The following RHPN2 variants were observed in gnomAD, a reference collection of about 807,000 sequenced individuals.
RHPN2 encodes rhophilin-2.
RHPN2 carries 40 observed loss-of-function variants against 79.0 expected under a neutral mutation model. The ratio of observed to expected loss-of-function variants is 0.51; its 90% CI spans 0.39 to 0.66. The LOEUF (loss-of-function observed/expected upper bound fraction) is 0.66. RHPN2 is among the 30% of genes least tolerant of loss of function. The pLI is 0.00. For missense variants in RHPN2, 686 were observed against 883.5 expected, an observed-to-expected ratio of 0.78 and a Z score of 2.83; for synonymous variants, 285 against 363.5, an observed-to-expected ratio of 0.78 and a Z score of 2.46.
intron 14 of RHPN2, among the ~76,000 whole-genome samples, chr19:32,986,097 C>T (rs982774498): frequency 6.6e-6 from 1 of 152,226 alleles, no homozygotes; most frequent in Non-Finnish European, 1.5e-5. Context: ...CTGAGGCTCA[C>T]AGCTATTCCC....
At chr19:33,031,569 G>C (rs1331075195) in intron 2 of RHPN2, among the ~76,000 whole-genome samples, 1 of 151,684 alleles carries the variant, frequency 6.6e-6, no homozygotes, top group Admixed American at 6.6e-5. Context: ...TGTATAGATG[G>C]TGTCTTGCTA....
At position 32,982,555 on chromosome 19, in the gene RHPN2, T is replaced by G. The variant is rs1971583118; in HGVS notation, c.1801-2299A>C. Reference sequence around the variant, plus strand: ...AAACTGACCGCTAACTCCACCATGTTTTACGGAGCACACACAATGTCATTT... The same window carrying G: ...AAACTGACCGCTAACTCCACCATGTGTTACGGAGCACACACAATGTCATTT... On this transcript the variant is annotated intron_variant, in intron 14 of 14. Coordinates refer to ENST00000254260, the MANE Select transcript of RHPN2 (RefSeq NM_033103.5). Among the ~76,000 whole-genome samples the G allele has an allele frequency of 2.0e-5, 3 of 152,226 alleles. No individual in the cohort carries two copies. The South Asian group carries it at 6.2e-4, about 32-fold the overall frequency.
chr19:32,981,317 T>C (rs1473804114), intron 14 of RHPN2, among the ~76,000 whole-genome samples: 3 of 149,580 alleles, frequency 2.0e-5, no homozygotes, highest in Non-Finnish European at 3.0e-5. Flanking sequence ...AGGGGAAGAT[T>C]GCTTGAGCCC....
At chr19:33,018,052 G>A (rs758046773) in intron 4 of RHPN2, among the ~76,000 whole-genome samples, 1 of 152,096 alleles carries the variant, frequency 6.6e-6, no homozygotes, top group African/African-American at 2.4e-5. Context: ...TACTCAGGAG[G>A]CTGAGGCAGA....
intron 14 of RHPN2, among the ~76,000 whole-genome samples, chr19:32,984,965 G>C (rs971653777): frequency 2.0e-5 from 3 of 151,652 alleles, no homozygotes; most frequent in Non-Finnish European, 4.4e-5. Flanking sequence ...AATTAGCTGG[G>C]TATAGTGGTG....
Position 33,064,777 on chromosome 19 carries a change from C to T in RHPN2, c.69+7G>A. The stretch of plus-strand genomic sequence containing the variant: ...AGGTCCCCGCCCGCCCGCCCGAAGC[C>T]GCCCACCTTCCGAAAGTAGCCGTCG... On this transcript the variant is annotated splice_region_variant and intron_variant, in intron 1 of 14. Transcript: ENST00000254260. The T allele has an allele frequency of 2.0e-6, 3 of 1,510,096 alleles. No homozygotes were observed. Among genetic ancestry groups the T allele is most frequent in the Non-Finnish European group, 1.8e-6 (2 of 1,132,330 alleles). 93.5% of individuals were successfully genotyped at this position (1,510,096 alleles called of 1,614,324 possible). A position where few individuals can be genotyped will look rare whatever the true frequency, so the allele number is the denominator to read the frequency against.
intron 14 of RHPN2, 139 bp downstream of exon 14, chr19:32,990,375 T>G (rs1285520756): frequency 9.9e-6 from 9 of 912,702 alleles, no homozygotes; most frequent in African/African-American, 8.2e-5. Context: ...TTACAGTGAT[T>G]ACAAGCCTGG....
chr19:33,047,844 T>C (rs979640162), intron 1 of RHPN2, among the ~76,000 whole-genome samples: 1 of 152,082 alleles, frequency 6.6e-6, no homozygotes, highest in Admixed American at 6.6e-5. Context: ...GCCAGGAGTT[T>C]GAGGCTGCGG....
intron 6 of RHPN2, 54 bp from the exon 7 acceptor site, chr19:33,008,234 A>G (rs1971809221): frequency 6.5e-7 from 1 of 1,546,500 alleles, no homozygotes. Context: ...AGTTAATGCT[A>G]CAAGTGGAAA....
chr19:33,016,442 A>G (rs2145241951), intron 4 of RHPN2, among the ~76,000 whole-genome samples: 1 of 152,266 alleles, frequency 6.6e-6, no homozygotes, highest in Admixed American at 6.5e-5. Context: ...ACACTTTGGG[A>G]AGCCAAGGAG....
At chr19:33,028,700 C>A (rs551263510) in intron 2 of RHPN2, among the ~76,000 whole-genome samples, 1 of 152,188 alleles carries the variant, frequency 6.6e-6, no homozygotes, top group East Asian at 1.9e-4. Flanking sequence ...TTCAATGCAA[C>A]CTCAATCAAA....
chr19:33,053,027 AGTG>A (rs1272161401), intron 1 of RHPN2, among the ~76,000 whole-genome samples: 1 of 151,386 alleles, frequency 6.6e-6, no homozygotes, highest in Non-Finnish European at 1.5e-5. Flanking sequence ...GCTGGAGTGC[AGTG>A]GTGTGATCTC....
At position 33,062,467 on chromosome 19, in the gene RHPN2, GA is replaced by G. The variant is rs552189468; in HGVS notation, c.69+2316del. 4.1e-3 allele frequency among the ~76,000 whole-genome samples: 536 copies of G among 130,178 alleles called. 3 individuals are homozygous for G. The highest frequency in any genetic ancestry group is 0.023 in the South Asian group (91 of 3,972). The allele number at this position is 130,178 out of a possible 152,430, so 85.4% of individuals were successfully genotyped here. ...ACAGAGCGAGACTCCATCTCAGGGG[GA>G]AAAAAAAAAAAACACCTGTAGCCGG... On this transcript the variant is annotated intron_variant, in intron 1 of 14. Transcript: ENST00000254260.
intron 1 of RHPN2, among the ~76,000 whole-genome samples, chr19:33,057,176 C>G (rs1290656858): frequency 1.3e-5 from 2 of 148,262 alleles, no homozygotes; most frequent in African/African-American, 5.0e-5. Flanking sequence ...GAGACCGTCT[C>G]TACAAAAAAT....
In RHPN2 at chr19:33,015,029, A is replaced by G. The variant is rs1391509005; in HGVS notation, c.391-2305T>C. 2.6e-5 allele frequency among the ~76,000 whole-genome samples: 4 copies of G among 151,442 alleles called. No homozygotes were observed. In the East Asian group the frequency reaches 8.0e-4, roughly 30 times the overall value. On this transcript the variant is annotated intron_variant, in intron 4 of 14. Transcript: ENST00000254260. ...GCCATGATCACATCACTGCACTCCA[A>G]TCTTATGAAAGTCAAAGAGGATTTT...
At chr19:32,998,701 G>GGA (rs3991890) in intron 10 of RHPN2, among the ~76,000 whole-genome samples, 108,412 of 140,008 alleles carry the variant, frequency 0.77, 42,511 homozygotes, top group African/African-American at 0.88. Context: ...TAGATGGGGA[G>GGA]GAGAGAGAGA....
At chr19:33,020,908 G>A (rs1971919060) in intron 4 of RHPN2, among the ~76,000 whole-genome samples, 2 of 152,170 alleles carry the variant, frequency 1.3e-5, no homozygotes, top group Admixed American at 6.5e-5. Flanking sequence ...CTGGCAGTAT[G>A]TTCTTGGAAG....
At chr19:33,052,189 C>G (rs758176590) in intron 1 of RHPN2, among the ~76,000 whole-genome samples, 2 of 152,106 alleles carry the variant, frequency 1.3e-5, no homozygotes, top group African/African-American at 2.4e-5. Context: ...ACTCCTGGAA[C>G]AGGGCAGTTT....
At chr19:33,064,377 C>G (rs1737554046) in intron 1 of RHPN2, among the ~76,000 whole-genome samples, 1 of 152,192 alleles carries the variant, frequency 6.6e-6, no homozygotes, top group Admixed American at 6.5e-5. Context: ...TCCACCCGCG[C>G]TCCCACCAAG....
Sources: gnomAD v4.1 joint callset for allele counts (sites outside exome capture counted in the v4.1 genomes callset) on GRCh38, gnomAD v4.1.1 for gene constraint, MANE v1.5 for transcripts, NCBI Gene and HGNC (gene_info 2026-07-23, HGNC 2026-07-21) for gene names.